TCF20: variants seen among roughly 807,000 people sequenced by gnomAD.
The protein encoded by TCF20 is SPRE-binding protein.
In TCF20, 3 loss-of-function variants were observed where a neutral mutation model predicts 148.6. The ratio of observed to expected loss-of-function variants is 0.02; its 90% CI spans 0.01 to 0.05. The LOEUF (loss-of-function observed/expected upper bound fraction) is 0.05, where lower values mean the gene tolerates loss of function less well. Among genes scored for constraint, TCF20 ranks in the 10% least tolerant of loss-of-function variants. TCF20 has a pLI of 1.00. For synonymous variants in TCF20, 1,049 were observed against 909.5 expected (o/e 1.15, Z -2.76); for missense variants, 2,350 against 2,429.3 (o/e 0.97, Z 0.69).
chr22:42,333,705 C>G (rs529112125), intron 1 of TCF20, among the ~76,000 whole-genome samples: 1 of 152,124 alleles, frequency 6.6e-6, no homozygotes, highest in African/African-American at 2.4e-5. Context: ...CTGCTCCACG[C>G]AGTAGGTACT....
intron 1 of TCF20, among the ~76,000 whole-genome samples, chr22:42,221,209 A>G (rs1237153498): frequency 2.0e-5 from 3 of 152,186 alleles, no homozygotes; most frequent in Non-Finnish European, 2.9e-5. Context: ...GCACACGTGG[A>G]TTCATAGCGG....
At chr22:42,184,887 C>G (rs542115602) in intron 2 of TCF20, among the ~76,000 whole-genome samples, 2 of 152,150 alleles carry the variant, frequency 1.3e-5, no homozygotes, top group African/African-American at 4.8e-5. Flanking sequence ...CATGTTTTAA[C>G]GGAAAGTGGC....
chr22:42,168,815 G>C, intron 4 of TCF20, 79 bp from the exon 5 acceptor site: 1 of 1,465,146 alleles, frequency 6.8e-7, no homozygotes, highest in Admixed American at 2.3e-5. Context: ...AGGGAGGACA[G>C]GAGTGGCACA....
At chr22:42,171,017 A>C (rs1458239103) in intron 3 of TCF20, among the ~76,000 whole-genome samples, 1 of 152,176 alleles carries the variant, frequency 6.6e-6, no homozygotes, top group Non-Finnish European at 1.5e-5. Flanking sequence ...GTAAAATCCC[A>C]TGAGGATGCT....
chr22:42,215,739 G>A (rs555174077), intron 1 of TCF20, among the ~76,000 whole-genome samples: 91 of 152,174 alleles, frequency 6.0e-4, no homozygotes, highest in African/African-American at 2.1e-3. Context: ...CCAAAGTGCT[G>A]GAATTACAGG....
At chr22:42,170,068 A>G (rs1936029090) in intron 3 of TCF20, among the ~76,000 whole-genome samples, 172 bp from the exon 4 acceptor site, 1 of 152,212 alleles carries the variant, frequency 6.6e-6, no homozygotes, top group Non-Finnish European at 1.5e-5. Flanking sequence ...AACATGATGG[A>G]TATCGGTCAC....
At chr22:42,307,834 C>T (rs540764667) in intron 1 of TCF20, among the ~76,000 whole-genome samples, 1 of 152,332 alleles carries the variant, frequency 6.6e-6, no homozygotes, top group African/African-American at 2.4e-5. Flanking sequence ...CCGGTCAGGT[C>T]CCTCAGACTC....
intron 1 of TCF20, among the ~76,000 whole-genome samples, chr22:42,243,292 CA>C (rs3045578): frequency 0.013 from 500 of 39,346 alleles, 1 homozygote; most frequent in Admixed American, 0.024. Flanking sequence ...GACACTGTCT[CA>C]AAAAAAAAAA....
intron 2 of TCF20, among the ~76,000 whole-genome samples, chr22:42,184,977 G>A (rs893627680): frequency 6.6e-6 from 1 of 152,222 alleles, no homozygotes; most frequent in Non-Finnish European, 1.5e-5. Flanking sequence ...GTAGCAAACT[G>A]CAAGGACTGA....
intron 2 of TCF20, among the ~76,000 whole-genome samples, chr22:42,198,039 G>A (rs550577557): frequency 6.6e-6 from 1 of 151,994 alleles, no homozygotes; most frequent in South Asian, 2.1e-4. Context: ...TCTTTAAATC[G>A]AAAAATAAAA....
intron 1 of TCF20, among the ~76,000 whole-genome samples, chr22:42,234,918 A>G (rs183324670): frequency 2.0e-5 from 3 of 152,270 alleles, no homozygotes; most frequent in Admixed American, 2.0e-4. Context: ...GGGCAGGCGG[A>G]TCACGAGGTC....
chr22:42,185,837 T>C (rs1185742643), intron 2 of TCF20, among the ~76,000 whole-genome samples: 2 of 152,290 alleles, frequency 1.3e-5, no homozygotes, highest in African/African-American at 2.4e-5. Context: ...TAACTTGCCA[T>C]TAACACAAAG....
intron 3 of TCF20, among the ~76,000 whole-genome samples, chr22:42,171,844 AC>A (rs1322594262): frequency 6.6e-6 from 1 of 152,324 alleles, no homozygotes; most frequent in East Asian, 1.9e-4. Flanking sequence ...CGCTTACGCC[AC>A]AGGGGTTTAT....
chr22:42,338,518 G>T lies in TCF20; in HGVS notation c.-37+4961C>A, dbSNP rs1025252633. ...ATCCCGAAGAGCTCGCTCAGGGGCT[G>T]CGAGTGGAAGGGCTGGGAAAATAAT... On this transcript the variant is annotated intron_variant, in intron 1 of 1. Coordinates refer to the TCF20 transcript ENST00000515426. This position sits in a 1 kb window ranked among gnomAD's most constrained non-coding sequence, Gnocchi z 4.0. Among the ~76,000 whole-genome samples the T allele has an allele frequency of 1.3e-5, 2 of 152,242 alleles. No individual in the cohort carries two copies. The highest frequency in any genetic ancestry group is 2.9e-5 in the Non-Finnish European group (2 of 68,042).
At chr22:42,272,409 G>A (rs571911484), upstream of TCF20, among the ~76,000 whole-genome samples, 9 of 152,330 alleles carry the variant, frequency 5.9e-5, no homozygotes, top group African/African-American at 1.9e-4. Context: ...GAAGAAAGAT[G>A]AATCCTTTTT....
At chr22:42,170,730 C>A (rs1277378059) in intron 3 of TCF20, among the ~76,000 whole-genome samples, 1 of 146,530 alleles carries the variant, frequency 6.8e-6, no homozygotes, top group African/African-American at 2.5e-5. Context: ...TAAATTTTAT[C>A]TTTTCTATAT....
chr22:42,201,832 C>T (rs540036504), intron 2 of TCF20, among the ~76,000 whole-genome samples: 1 of 152,140 alleles, frequency 6.6e-6, no homozygotes, highest in Admixed American at 6.5e-5. Flanking sequence ...TTTTCTTTCG[C>T]TTTAGATAAT....
chr22:42,231,907 C>A (rs947716042), intron 1 of TCF20, among the ~76,000 whole-genome samples: 1 of 124,596 alleles, frequency 8.0e-6, no homozygotes, highest in African/African-American at 3.2e-5. Context: ...CCAGCCTGGG[C>A]GACAGAGAGA....
chr22:42,298,885 C>T (rs1420625550), intron 1 of TCF20, among the ~76,000 whole-genome samples: 2 of 152,150 alleles, frequency 1.3e-5, no homozygotes, highest in African/African-American at 2.4e-5. Flanking sequence ...CCCAATGCCC[C>T]GGCCTCCAGG....
Sources: allele counts gnomAD v4.1 joint callset (sites outside exome capture counted in the v4.1 genomes callset), GRCh38; gene constraint gnomAD v4.1.1; non-coding constraint Gnocchi (gnomAD v3.1); transcripts MANE v1.5; gene names NCBI Gene and HGNC (gene_info 2026-07-23, HGNC 2026-07-21).